The following XKR6 variants were observed in gnomAD, a reference collection of about 807,000 sequenced individuals.
The protein encoded by XKR6 is XK related 6, also known as XK-related protein 6.
Under a neutral mutation model 56.7 loss-of-function variants are expected in XKR6, and 22 were observed. That is an observed-to-expected ratio of 0.39 (90% confidence interval 0.28 to 0.55). XKR6 has a LOEUF of 0.55. Among genes scored for constraint, XKR6 ranks in the 20% least tolerant of loss-of-function variants. XKR6 has a pLI of 0.66. For missense variants in XKR6, 852 were observed against 889.0 expected, an observed-to-expected ratio of 0.96 and a Z score of 0.53; for synonymous variants, 524 against 387.8, an observed-to-expected ratio of 1.35 and a Z score of -4.13.
chr8:11,031,133 T>A lies in XKR6; in HGVS notation c.765-106303A>T, dbSNP rs1798984036. Among the ~76,000 whole-genome samples, 3 of 152,182 alleles carry A rather than the reference T, an allele frequency of 2.0e-5. No individual in the cohort carries two copies. In the South Asian group the frequency reaches 6.2e-4, roughly 32 times the overall value. ...ACCCTGTTCACTGGCTGCTACTGAT[T>A]GAACCAGAGGTGGGCTCCTGATCCA... On this transcript the variant is annotated intron_variant, in intron 1 of 2. Coordinates refer to ENST00000416569, the MANE Select transcript of XKR6 (RefSeq NM_173683.4).
intron 1 of XKR6, among the ~76,000 whole-genome samples, chr8:10,925,259 G>A (rs1363294356): frequency 6.6e-6 from 1 of 152,202 alleles, no homozygotes; most frequent in African/African-American, 2.4e-5. Context: ...AGGAAAGGAA[G>A]GGAAGCGGGT....
At chr8:11,147,157 T>C (rs542335212) in intron 1 of XKR6, among the ~76,000 whole-genome samples, 3 of 152,202 alleles carry the variant, frequency 2.0e-5, no homozygotes, top group South Asian at 2.1e-4. Context: ...GTAATGGATA[T>C]GTTTATGCTC....
At chr8:11,108,067 G>A (rs1798747497) in intron 1 of XKR6, 2 of 325,792 alleles carry the variant, frequency 6.1e-6, no homozygotes, top group African/African-American at 2.2e-5. Context: ...TCCAGTGAAC[G>A]ATGTAACAGG....
chr8:11,008,950 C>T (rs1291042823), intron 1 of XKR6, among the ~76,000 whole-genome samples: 3 of 152,100 alleles, frequency 2.0e-5, no homozygotes, highest in African/African-American at 2.4e-5. Context: ...CAAAGGTCTT[C>T]CAACTCAGAA....
At chr8:10,975,597 A>G (rs1472402488) in intron 1 of XKR6, among the ~76,000 whole-genome samples, 1 of 152,142 alleles carries the variant, frequency 6.6e-6, no homozygotes, top group African/African-American at 2.4e-5. Flanking sequence ...GGTCTCGCGG[A>G]TTTGTGTGAC....
At chr8:11,130,434 G>C (rs1409001233) in intron 1 of XKR6, among the ~76,000 whole-genome samples, 1 of 152,062 alleles carries the variant, frequency 6.6e-6, no homozygotes, top group Non-Finnish European at 1.5e-5. Flanking sequence ...GGAACCATCA[G>C]GATCAGGGGC....
At chr8:11,158,016 A>C (rs1461110391) in intron 1 of XKR6, among the ~76,000 whole-genome samples, 1 of 152,222 alleles carries the variant, frequency 6.6e-6, no homozygotes, top group African/African-American at 2.4e-5. Flanking sequence ...TATAAATTAC[A>C]ACTTAAAAGT....
At chr8:11,048,486 A>G (rs1400468206) in intron 1 of XKR6, among the ~76,000 whole-genome samples, 2 of 152,154 alleles carry the variant, frequency 1.3e-5, no homozygotes, top group African/African-American at 2.4e-5. Context: ...GTATAGCAAT[A>G]CCAGACAGCA....
At chr8:10,983,741 C>T (rs974214216) in intron 1 of XKR6, among the ~76,000 whole-genome samples, 2 of 151,886 alleles carry the variant, frequency 1.3e-5, no homozygotes, top group African/African-American at 2.4e-5. Context: ...CTGCAAGCTC[C>T]GCCTCCCAGG....
intron 1 of XKR6, among the ~76,000 whole-genome samples, chr8:11,087,196 G>C (rs1311213135): frequency 1.3e-5 from 2 of 152,100 alleles, no homozygotes; most frequent in African/African-American, 2.4e-5. Context: ...GTGAGGCTTT[G>C]GTGTTGAAAT....
chr8:11,040,992 C>T lies in XKR6; in HGVS notation c.765-116162G>A, dbSNP rs1214976666. Among the ~76,000 whole-genome samples, 7 of 152,066 alleles carry T rather than the reference C, an allele frequency of 4.6e-5. No individual in the cohort carries two copies. In the East Asian group the frequency reaches 5.8e-4, roughly 13 times the overall value. On this transcript the variant is annotated intron_variant, in intron 1 of 2. Transcript: ENST00000416569. ...AAGCAAATGCTTTGACCATCTCCTC[C>T]GTGCTAGGTGGGGGCTGCAGGGACC...
At chr8:11,142,737 G>C (rs1800771087) in intron 1 of XKR6, among the ~76,000 whole-genome samples, 1 of 152,132 alleles carries the variant, frequency 6.6e-6, no homozygotes, top group Non-Finnish European at 1.5e-5. Context: ...AGAACCATGA[G>C]CCAATTAAAC....
chr8:11,121,238 G>C (rs543395436), intron 1 of XKR6, among the ~76,000 whole-genome samples: 1 of 152,280 alleles, frequency 6.6e-6, no homozygotes, highest in South Asian at 2.1e-4. Context: ...ACTACCATCA[G>C]AGTGAACAGG....
At chr8:10,906,226 A>G (rs4310166) in intron 2 of XKR6, among the ~76,000 whole-genome samples, 39,448 of 152,152 alleles carry the variant, frequency 0.26, 6,546 homozygotes, top group Non-Finnish European at 0.38. Flanking sequence ...CAATTGGCAA[A>G]TGGTACAAAC....
chr8:11,061,044 T>A (rs1225244801), intron 1 of XKR6, among the ~76,000 whole-genome samples: 1 of 152,160 alleles, frequency 6.6e-6, no homozygotes, highest in Non-Finnish European at 1.5e-5. Context: ...TACCTAGGGC[T>A]GAGGGTTGGA....
intron 1 of XKR6, among the ~76,000 whole-genome samples, chr8:11,005,609 T>A (rs1798349784): frequency 6.6e-6 from 1 of 152,010 alleles, no homozygotes; most frequent in Admixed American, 6.6e-5. Context: ...ATGATACGAG[T>A]GTGTATTAAC....
intron 1 of XKR6, among the ~76,000 whole-genome samples, chr8:10,964,589 G>A (rs530068164): frequency 4.2e-4 from 64 of 152,234 alleles, no homozygotes; most frequent in Admixed American, 1.4e-3. Flanking sequence ...CAACATCCTG[G>A]TCTTGAAAAT....
At chr8:11,122,470 C>T (rs1392788678) in intron 1 of XKR6, among the ~76,000 whole-genome samples, 1 of 152,258 alleles carries the variant, frequency 6.6e-6, no homozygotes, top group East Asian at 1.9e-4. Flanking sequence ...TCACAGGCCC[C>T]TCCACCTGCC....
At chr8:11,077,714 C>A (rs1237101366) in intron 1 of XKR6, among the ~76,000 whole-genome samples, 1 of 152,188 alleles carries the variant, frequency 6.6e-6, no homozygotes, top group Non-Finnish European at 1.5e-5. Flanking sequence ...CCTCCAGCCT[C>A]TCCAGGAGGA....
Sources: allele counts gnomAD v4.1 joint callset (sites outside exome capture counted in the v4.1 genomes callset), GRCh38; gene constraint gnomAD v4.1.1; transcripts MANE v1.5; gene names NCBI Gene and HGNC (gene_info 2026-07-23, HGNC 2026-07-21).